The following IMPG2 variants were observed in gnomAD, a reference collection of about 807,000 sequenced individuals.
IMPG2 encodes the protein IPM 200.
A neutral mutation model predicts 129.2 loss-of-function variants in IMPG2; 91 were observed. The ratio of observed to expected loss-of-function variants is 0.70; its 90% CI spans 0.59 to 0.84. The LOEUF is 0.84. Among genes scored for constraint, IMPG2 ranks in the 40% least tolerant of loss-of-function variants. IMPG2 has a pLI of 0.00. For synonymous variants in IMPG2, 510 were observed against 517.7 expected, an observed-to-expected ratio of 0.99 and a Z score of 0.20; for missense variants, 1,430 against 1,461.7, an observed-to-expected ratio of 0.98 and a Z score of 0.35.
intron 3 of IMPG2, among the ~76,000 whole-genome samples, chr3:101,294,540 G>C (rs1707057712): frequency 1.3e-5 from 2 of 152,070 alleles, no homozygotes; most frequent in Non-Finnish European, 2.9e-5. Flanking sequence ...GTAAATAGTG[G>C]TGCAATAAAC....
chr3:101,257,404 G>A (rs1016704202), intron 10 of IMPG2, 125 bp downstream of exon 10: 3 of 1,111,790 alleles, frequency 2.7e-6, no homozygotes, highest in African/African-American at 3.1e-5. Flanking sequence ...TTCATATCAG[G>A]TTGGCTCCTG....
chr3:101,292,500 A>C (rs1707029967), intron 3 of IMPG2, among the ~76,000 whole-genome samples: 1 of 152,220 alleles, frequency 6.6e-6, no homozygotes. Flanking sequence ...ATTGCTAAAA[A>C]ATGCAAACAA....
chr3:101,242,316 T>C (rs913655381), intron 14 of IMPG2, among the ~76,000 whole-genome samples: 9 of 152,180 alleles, frequency 5.9e-5, no homozygotes, highest in African/African-American at 1.7e-4. Context: ...GACATTTATA[T>C]AAGGCTTAAG....
At chr3:101,309,188 G>A (rs970966131) in intron 2 of IMPG2, among the ~76,000 whole-genome samples, 7 of 152,032 alleles carry the variant, frequency 4.6e-5, no homozygotes, top group East Asian at 1.9e-4. Flanking sequence ...TGTCTTCTTC[G>A]GGGCCCTCCA....
At chr3:101,251,018 T>G (rs1432174596) in intron 11 of IMPG2, among the ~76,000 whole-genome samples, 1 of 152,182 alleles carries the variant, frequency 6.6e-6, no homozygotes, top group Non-Finnish European at 1.5e-5. Flanking sequence ...TTTAATTGTC[T>G]AAAACTACTT....
intron 3 of IMPG2, among the ~76,000 whole-genome samples, chr3:101,303,641 G>C (rs1707160521): frequency 6.6e-6 from 1 of 152,198 alleles, no homozygotes; most frequent in Non-Finnish European, 1.5e-5. Flanking sequence ...CCTTTGCTAA[G>C]AGTAAAACAA....
At chr3:101,254,421 A>C (rs1236826585) in intron 10 of IMPG2, among the ~76,000 whole-genome samples, 2 of 152,148 alleles carry the variant, frequency 1.3e-5, no homozygotes, top group African/African-American at 4.8e-5. Context: ...AACACAAATT[A>C]CAAAACAACA....
At chr3:101,256,499 C>G (rs1411936469) in intron 10 of IMPG2, among the ~76,000 whole-genome samples, 1 of 152,072 alleles carries the variant, frequency 6.6e-6, no homozygotes, top group Non-Finnish European at 1.5e-5. Flanking sequence ...TTTAAATCTA[C>G]TATTCTCTTT....
chr3:101,251,900 GA>G (rs1706547906), intron 11 of IMPG2, among the ~76,000 whole-genome samples: 1 of 152,070 alleles, frequency 6.6e-6, no homozygotes, highest in African/African-American at 2.4e-5. Context: ...GAAAGGGAGG[GA>G]AGGAATAAAT....
intron 1 of IMPG2, 117 bp downstream of exon 1, chr3:101,320,171 A>G (rs2058804433): frequency 1.5e-6 from 1 of 665,340 alleles, no homozygotes; most frequent in Admixed American, 3.4e-5. Flanking sequence ...CATATCAAAG[A>G]TTAATAAAGT....
intron 4 of IMPG2, among the ~76,000 whole-genome samples, chr3:101,286,312 A>G (rs1706945378): frequency 6.6e-6 from 1 of 152,212 alleles, no homozygotes; most frequent in South Asian, 2.1e-4. Flanking sequence ...ATCATTGTCC[A>G]TTCTTGTGAG....
intron 3 of IMPG2, among the ~76,000 whole-genome samples, chr3:101,294,321 T>C (rs936724818): frequency 1.3e-5 from 2 of 151,642 alleles, no homozygotes; most frequent in African/African-American, 4.8e-5. Context: ...CAACTCCCAC[T>C]TATCAATGAG....
intron 10 of IMPG2, among the ~76,000 whole-genome samples, 181 bp downstream of exon 10, chr3:101,257,348 A>T (rs2107234398): frequency 6.6e-6 from 1 of 152,192 alleles, no homozygotes; most frequent in East Asian, 1.9e-4. Context: ...TATTCCAGAA[A>T]GCCCCGGATT....
chr3:101,250,244 G>A (rs1452629315), intron 11 of IMPG2, among the ~76,000 whole-genome samples: 2 of 152,088 alleles, frequency 1.3e-5, no homozygotes, highest in Non-Finnish European at 2.9e-5. Context: ...AAGTTATTCT[G>A]AGTCCTCAAG....
chr3:101,241,047 T>C (rs572869291), intron 14 of IMPG2, among the ~76,000 whole-genome samples: 3 of 152,358 alleles, frequency 2.0e-5, no homozygotes, highest in Admixed American at 6.5e-5. Context: ...CACAGTATTT[T>C]TGAGTACCTT....
In IMPG2 at chr3:101,319,695, ACT is replaced by A. The variant is rs753718358; in HGVS notation, c.221_222del (p.Gln74LeufsTer13). The A allele has an allele frequency of 1.2e-6, 2 of 1,613,634 alleles. No homozygotes were observed. The highest frequency in any genetic ancestry group is 1.1e-5 in the South Asian group (1 of 91,064). ...ATAGATCTCCGCCTTCTGATTAACC[ACT>A]GTCTTTCAGTTTCTCTGCGGTCCAG... ...QPLDRRETER[Q>X]WLIRRRRSIL... On this transcript the variant is annotated frameshift_variant, in exon 2 of 19. Transcript: ENST00000193391. LOFTEE classifies it high-confidence loss of function.
chr3:101,227,602 T>C (rs1262403765), intron 18 of IMPG2, among the ~76,000 whole-genome samples: 1 of 152,244 alleles, frequency 6.6e-6, no homozygotes, highest in Non-Finnish European at 1.5e-5. Context: ...TGGATACTAC[T>C]GAAATGGAGC....
At chr3:101,265,006 G>C (rs1464976535) in intron 9 of IMPG2, among the ~76,000 whole-genome samples, 4 of 151,858 alleles carry the variant, frequency 2.6e-5, no homozygotes, top group African/African-American at 9.7e-5. Context: ...AAAGACCTCT[G>C]CAAGAAAAAC....
At chr3:101,228,773 TG>T (rs774466527) in intron 18 of IMPG2, 23 bp downstream of exon 18, 8 of 1,584,110 alleles carry the variant, frequency 5.1e-6, no homozygotes, top group Middle Eastern at 1.7e-4. Context: ...TAGGTCGGGG[TG>T]GGGGGCTGTT....
Sources: allele counts gnomAD v4.1 joint callset (sites outside exome capture counted in the v4.1 genomes callset), GRCh38; gene constraint gnomAD v4.1.1; transcripts MANE v1.5; gene names NCBI Gene and HGNC (gene_info 2026-07-23, HGNC 2026-07-21).